The following SHISA9 variants were observed in gnomAD, a reference collection of about 807,000 sequenced individuals.
The protein encoded by SHISA9 is shisa family member 9, also known as protein shisa-9.
SHISA9 carries 13 observed loss-of-function variants against 38.0 expected under a neutral mutation model. The observed-to-expected ratio is 0.34, with a 90% confidence interval of 0.22 to 0.54. The LOEUF is 0.54. Ranked by LOEUF, SHISA9 falls within the 20% of genes least tolerant of loss-of-function variation. The pLI is 0.91. For synonymous variants in SHISA9, 275 were observed against 242.0 expected, an observed-to-expected ratio of 1.14 and a Z score of -1.27; for missense variants, 538 against 575.8, an observed-to-expected ratio of 0.93 and a Z score of 0.67.
chr16:13,295,068 A>G, the SHISA9 span, among the ~76,000 whole-genome samples: 3 of 152,194 alleles, frequency 2.0e-5, no homozygotes, highest in Non-Finnish European at 4.4e-5. Context: ...CCTTGTCCGC[A>G]ATCACAGAGC....
chr16:13,369,112 A>T, the SHISA9 span, among the ~76,000 whole-genome samples: 4 of 152,340 alleles, frequency 2.6e-5, no homozygotes, highest in South Asian at 2.1e-4. Context: ...TGTCAAATTT[A>T]AAAAAGCAAG....
chr16:13,317,071 C>T, the SHISA9 span, among the ~76,000 whole-genome samples: 12 of 152,184 alleles, frequency 7.9e-5, no homozygotes, highest in Admixed American at 6.5e-4. Context: ...CTTCCAGAGG[C>T]CAGTAGAGCC....
At chr16:13,248,288 G>C in the SHISA9 span, among the ~76,000 whole-genome samples, 1 of 152,098 alleles carries the variant, frequency 6.6e-6, no homozygotes, top group East Asian at 1.9e-4. Context: ...AACAAATACA[G>C]AGCATCTACG....
At chr16:12,983,603 C>G (rs1226453419) in intron 2 of SHISA9, among the ~76,000 whole-genome samples, 2 of 152,180 alleles carry the variant, frequency 1.3e-5, no homozygotes, top group Admixed American at 1.3e-4. Flanking sequence ...ATTCTTCTGC[C>G]TCAACCTCCC....
At chr16:12,918,046 G>C (rs1454414758) in intron 2 of SHISA9, among the ~76,000 whole-genome samples, 1 of 152,136 alleles carries the variant, frequency 6.6e-6, no homozygotes, top group Admixed American at 6.6e-5. Flanking sequence ...TGAAAAATAG[G>C]CCACCAAATA....
chr16:13,112,777 C>G (rs2073992269), intron 2 of SHISA9, among the ~76,000 whole-genome samples: 1 of 152,120 alleles, frequency 6.6e-6, no homozygotes, highest in Admixed American at 6.6e-5. Context: ...AAAGGCCCCT[C>G]TGGTTCATGG....
the SHISA9 span, among the ~76,000 whole-genome samples, chr16:13,543,399 T>C: frequency 6.6e-6 from 1 of 152,176 alleles, no homozygotes; most frequent in African/African-American, 2.4e-5. Flanking sequence ...TGACTGCATT[T>C]AATTCAATTC....
At chr16:12,930,271 A>G (rs574454622) in intron 2 of SHISA9, among the ~76,000 whole-genome samples, 1 of 152,342 alleles carries the variant, frequency 6.6e-6, no homozygotes, top group Admixed American at 6.5e-5. Context: ...AAATGCTGCT[A>G]TTACTTTTTC....
At chr16:12,906,079 T>C (rs1252823123) in intron 1 of SHISA9, among the ~76,000 whole-genome samples, 1 of 152,088 alleles carries the variant, frequency 6.6e-6, no homozygotes, top group East Asian at 1.9e-4. Context: ...CTCCAGTGGG[T>C]GTCAACTTGC....
chr16:13,205,637 A>G (rs954127924), intron 3 of SHISA9, among the ~76,000 whole-genome samples: 2 of 152,198 alleles, frequency 1.3e-5, no homozygotes, highest in Non-Finnish European at 2.9e-5. Context: ...AAGGACATTC[A>G]TTCAACATAC....
the SHISA9 span, among the ~76,000 whole-genome samples, chr16:13,368,013 G>A: frequency 1.6e-4 from 24 of 151,850 alleles, no homozygotes; most frequent in Admixed American, 4.6e-4. Flanking sequence ...CCACTAACTC[G>A]TCATCTAGCA....
chr16:13,547,748 G>A, the SHISA9 span, among the ~76,000 whole-genome samples: 1 of 152,136 alleles, frequency 6.6e-6, no homozygotes, highest in Non-Finnish European at 1.5e-5. Context: ...GATATCCCAT[G>A]TTCATGAATT....
At chr16:13,242,432 A>C (rs2051442275), downstream of SHISA9, among the ~76,000 whole-genome samples, 1 of 152,190 alleles carries the variant, frequency 6.6e-6, no homozygotes, top group African/African-American at 2.4e-5. Flanking sequence ...GCACAGTGCC[A>C]CATTACATCA....
At chr16:13,315,864 C>G in the SHISA9 span, among the ~76,000 whole-genome samples, 1 of 152,118 alleles carries the variant, frequency 6.6e-6, no homozygotes, top group Non-Finnish European at 1.5e-5. Flanking sequence ...CCATCACTTG[C>G]TTGCTTAATC....
At chr16:13,421,146 G>T in the SHISA9 span, among the ~76,000 whole-genome samples, 2 of 152,176 alleles carry the variant, frequency 1.3e-5, no homozygotes, top group African/African-American at 4.8e-5. Context: ...CCTCAGGCCA[G>T]GTAAGAGAGG....
the SHISA9 span, among the ~76,000 whole-genome samples, chr16:13,253,942 G>A: frequency 2.0e-5 from 3 of 151,760 alleles, no homozygotes; most frequent in Admixed American, 2.0e-4. Context: ...TCCACTTCCT[G>A]TTTTCTTCAG....
the SHISA9 span, among the ~76,000 whole-genome samples, chr16:13,369,279 G>GAAC: frequency 6.6e-6 from 1 of 152,050 alleles, no homozygotes; most frequent in East Asian, 1.9e-4. Flanking sequence ...ACACCTGGGA[G>GAAC]AACATTAGGG....
At chr16:12,963,134 G>A (rs2071932725) in intron 2 of SHISA9, among the ~76,000 whole-genome samples, 1 of 152,188 alleles carries the variant, frequency 6.6e-6, no homozygotes, top group Admixed American at 6.5e-5. Context: ...GTGCCTGAGG[G>A]AAGCAGGAGC....
intron 2 of SHISA9, among the ~76,000 whole-genome samples, chr16:13,152,598 A>G (rs1019546235): frequency 1.6e-4 from 25 of 152,094 alleles, no homozygotes; most frequent in Admixed American, 1.5e-3. Flanking sequence ...GGGTCACTCA[A>G]CTCAAGATTC....
Sources: gnomAD v4.1 joint callset for allele counts (sites outside exome capture counted in the v4.1 genomes callset) on GRCh38, gnomAD v4.1.1 for gene constraint, MANE v1.5 for transcripts, NCBI Gene and HGNC (gene_info 2026-07-23, HGNC 2026-07-21) for gene names.